Variants in AGTPBP1 observed in about 807,000 individuals in gnomAD.
AGTPBP1 encodes the protein cytosolic carboxypeptidase 1.
Under a neutral mutation model 143.9 loss-of-function variants are expected in AGTPBP1, and 70 were observed. That is an observed-to-expected ratio of 0.49 (90% CI 0.40 to 0.59). The LOEUF is 0.59. Among genes scored for constraint, AGTPBP1 ranks in the 20% least tolerant of loss-of-function variants. AGTPBP1 has a pLI of 0.00. For synonymous variants in AGTPBP1, 463 were observed against 500.2 expected (o/e 0.93, Z 0.99); for missense variants, 1,229 against 1,464.5 (o/e 0.84, Z 2.62).
At chr9:85,617,112 C>A (rs1830643468) in intron 17 of AGTPBP1, among the ~76,000 whole-genome samples, 2 of 152,042 alleles carry the variant, frequency 1.3e-5, no homozygotes, top group South Asian at 4.1e-4. Flanking sequence ...AATATCTTAT[C>A]TTCCACATAA....
intron 1 of AGTPBP1, among the ~76,000 whole-genome samples, chr9:85,722,687 C>T (rs1294375274): frequency 6.6e-6 from 1 of 152,222 alleles, no homozygotes; most frequent in African/African-American, 2.4e-5. Flanking sequence ...ACTCATCAAA[C>T]TCATTCTCCA....
At chr9:85,610,669 G>A (rs1830261851) in intron 17 of AGTPBP1, among the ~76,000 whole-genome samples, 1 of 151,894 alleles carries the variant, frequency 6.6e-6, no homozygotes, top group Admixed American at 6.6e-5. Context: ...CAGACAATAA[G>A]CTACTCTCCT....
intron 17 of AGTPBP1, among the ~76,000 whole-genome samples, chr9:85,618,160 G>A (rs114275084): frequency 0.02 from 3,059 of 151,534 alleles, 94 homozygotes; most frequent in African/African-American, 0.063. Flanking sequence ...GTGAACCTGA[G>A]AGGTGGAGGT....
chr9:85,616,707 A>G (rs1398762436), intron 17 of AGTPBP1, among the ~76,000 whole-genome samples: 2 of 151,964 alleles, frequency 1.3e-5, no homozygotes, highest in African/African-American at 4.8e-5. Context: ...TAGGGAAATC[A>G]CTAGGTTTCT....
chr9:85,692,783 G>C lies in AGTPBP1; in HGVS notation c.63C>G (p.Leu21=), dbSNP rs1835964731. The C allele has an allele frequency of 6.2e-7, 1 of 1,613,806 alleles. No homozygotes were observed. The highest frequency in any genetic ancestry group is 1.1e-5 in the South Asian group (1 of 91,062). The change falls in exon 3 of 26, where the codon CTC becomes CTG. Residue 21 remains leucine, a synonymous_variant. Coordinates refer to ENST00000357081, the MANE Select transcript of AGTPBP1 (RefSeq NM_001330701.2). ...SLTNNSRIVG[L]LAQLEKINAE... is the part of the protein sequence containing the mutation. ...CATTGATCTTCTCCAGTTGAGCCAG[G>C]AGTCCTACGATCCTAGAATTATTGG...
chr9:85,732,733 A>G (rs1182085737), intron 1 of AGTPBP1, among the ~76,000 whole-genome samples: 1 of 152,152 alleles, frequency 6.6e-6, no homozygotes, highest in Admixed American at 6.5e-5. Flanking sequence ...TGTCTGCAGG[A>G]GACTTACTTT....
At position 85,700,918 on chromosome 9, in the gene AGTPBP1, CT is replaced by C. The variant is rs796744655; in HGVS notation, c.33-8106del. On this transcript the variant is annotated intron_variant, in intron 2 of 25. Transcript: ENST00000357081. ...AGCTATATATATTAAACACACTATA[CT>C]TTTTTTTTTCTTTTTTGAGACAGGG... is the stretch of plus-strand genomic sequence containing the variant. Among the ~76,000 whole-genome samples, 34 of 150,274 alleles carry C rather than the reference CT, an allele frequency of 2.3e-4. 1 individual carries two copies. Among genetic ancestry groups the C allele is most frequent in the East Asian group, 3.9e-4 (2 of 5,134 alleles).
intron 1 of AGTPBP1, among the ~76,000 whole-genome samples, chr9:85,713,662 T>C (rs1340992135): frequency 6.6e-6 from 1 of 152,200 alleles, no homozygotes; most frequent in Non-Finnish European, 1.5e-5. Context: ...CTTAATACAT[T>C]TGGAAGATAC....
At chr9:85,718,636 T>A (rs770171295) in intron 1 of AGTPBP1, among the ~76,000 whole-genome samples, 11 of 152,092 alleles carry the variant, frequency 7.2e-5, no homozygotes, top group Non-Finnish European at 1.5e-4. Flanking sequence ...TCACTCTGAT[T>A]ACAGTTTCTT....
the AGTPBP1 span, among the ~76,000 whole-genome samples, chr9:85,756,611 G>T: frequency 1.3e-5 from 2 of 152,064 alleles, no homozygotes; most frequent in East Asian, 3.9e-4. Context: ...ATTTCTCCAT[G>T]AGAAATGAAA....
chr9:85,759,292 T>A, the AGTPBP1 span, among the ~76,000 whole-genome samples: 1 of 152,032 alleles, frequency 6.6e-6, no homozygotes, highest in African/African-American at 2.4e-5. Context: ...CTACAGAACT[T>A]TCCACCCCAC....
At chr9:85,756,923 G>C in the AGTPBP1 span, among the ~76,000 whole-genome samples, 2 of 151,366 alleles carry the variant, frequency 1.3e-5, no homozygotes, top group Non-Finnish European at 2.9e-5. Context: ...ACAAAAACTA[G>C]AATAGTGGTT....
chr9:85,753,584 T>A, the AGTPBP1 span, among the ~76,000 whole-genome samples: 1 of 152,068 alleles, frequency 6.6e-6, no homozygotes, highest in East Asian at 1.9e-4. Context: ...AAACCCCGTC[T>A]CTACTAAAAA....
At chr9:85,756,726 A>G in the AGTPBP1 span, among the ~76,000 whole-genome samples, 1 of 152,192 alleles carries the variant, frequency 6.6e-6, no homozygotes, top group African/African-American at 2.4e-5. Context: ...GAATGGATAA[A>G]CTGTGATTAT....
chr9:85,773,701 T>C, the AGTPBP1 span: 17 of 624,970 alleles, frequency 2.7e-5, no homozygotes, highest in Non-Finnish European at 4.9e-5. Context: ...AGCATTTGCC[T>C]AAGGACCCAA....
intron 25 of AGTPBP1, among the ~76,000 whole-genome samples, chr9:85,566,015 C>CT: frequency 6.6e-6 from 1 of 152,304 alleles, no homozygotes; most frequent in South Asian, 2.1e-4. Flanking sequence ...TCCCAGAAAT[C>CT]TAATTCAATT....
intron 13 of AGTPBP1, among the ~76,000 whole-genome samples, chr9:85,636,902 A>G (rs1163844981): frequency 6.6e-6 from 1 of 152,178 alleles, no homozygotes; most frequent in African/African-American, 2.4e-5. Context: ...TGTAGCATTA[A>G]AGCAAAAAAA....
chr9:85,775,515 C>CT, the AGTPBP1 span, among the ~76,000 whole-genome samples: 1 of 143,998 alleles, frequency 6.9e-6, no homozygotes, highest in South Asian at 2.1e-4. Flanking sequence ...ATATATATAT[C>CT]ATATATATGA....
chr9:85,587,659 C>T (rs1163229751), intron 21 of AGTPBP1, among the ~76,000 whole-genome samples: 1 of 152,176 alleles, frequency 6.6e-6, no homozygotes, highest in Non-Finnish European at 1.5e-5. Flanking sequence ...GCTACTTTCA[C>T]TGAAGTAAGA....
Sources: gnomAD v4.1 joint callset for allele counts (sites outside exome capture counted in the v4.1 genomes callset) on GRCh38, gnomAD v4.1.1 for gene constraint, MANE v1.5 for transcripts, NCBI Gene and HGNC (gene_info 2026-07-23, HGNC 2026-07-21) for gene names.